CCDC178: variants seen among roughly 807,000 people sequenced by gnomAD.
CCDC178 encodes the protein coiled-coil domain containing 178.
A neutral mutation model predicts 117.4 loss-of-function variants in CCDC178; 126 were observed. The observed-to-expected ratio is 1.07, with a 90% CI of 0.93 to 1.24. The LOEUF is 1.24. Ranked by LOEUF, CCDC178 falls within the 50% of genes most tolerant of loss-of-function variation. The probability of loss-of-function intolerance (pLI) is 0.00; values close to 1 mark genes in which losing one functional copy is unlikely to be tolerated. For synonymous variants in CCDC178, 283 were observed against 313.4 expected (o/e 0.90, Z 1.02); for missense variants, 1,030 against 986.9 (o/e 1.04, Z -0.59).
At chr18:33,295,709 G>A (rs1465082553) in intron 11 of CCDC178, among the ~76,000 whole-genome samples, 4 of 152,066 alleles carry the variant, frequency 2.6e-5, no homozygotes, top group Admixed American at 6.6e-5. Flanking sequence ...TTTGCCATTA[G>A]GGAAATGCAA....
At chr18:33,075,743 T>C (rs271518) in intron 21 of CCDC178, among the ~76,000 whole-genome samples, 21,580 of 151,842 alleles carry the variant, frequency 0.14, 2,365 homozygotes, top group African/African-American at 0.31. Flanking sequence ...CCGAGGCAGG[T>C]GGATCACTTG....
intron 20 of CCDC178, among the ~76,000 whole-genome samples, chr18:33,143,124 G>GA (rs1271327215): frequency 1.3e-5 from 2 of 152,130 alleles, no homozygotes; most frequent in African/African-American, 4.8e-5. Context: ...GAGGGATATA[G>GA]AAAACCCTTT....
chr18:33,385,610 C>T (rs1345697267), intron 5 of CCDC178, among the ~76,000 whole-genome samples: 1 of 152,178 alleles, frequency 6.6e-6, no homozygotes, highest in East Asian at 1.9e-4. Context: ...TCCTGAATGA[C>T]TCCGGAGTAA....
intron 20 of CCDC178, among the ~76,000 whole-genome samples, chr18:33,170,384 A>G (rs2144420238): frequency 6.6e-6 from 1 of 152,142 alleles, no homozygotes; most frequent in East Asian, 1.9e-4. Context: ...AACCAAAAGA[A>G]CTTATTAAAA....
At chr18:33,353,124 C>T (rs1270498792) in intron 7 of CCDC178, among the ~76,000 whole-genome samples, 1 of 151,804 alleles carries the variant, frequency 6.6e-6, no homozygotes, top group African/African-American at 2.4e-5. Context: ...TATATATCTT[C>T]TTGGTGGAAT....
chr18:33,317,929 T>A (rs1160130236), intron 11 of CCDC178, among the ~76,000 whole-genome samples: 1 of 152,080 alleles, frequency 6.6e-6, no homozygotes, highest in Non-Finnish European at 1.5e-5. Context: ...CATTATAATC[T>A]CATTTCCATG....
At chr18:33,211,780 T>C in intron 20 of CCDC178, 116 bp downstream of exon 20, 1 of 761,536 alleles carries the variant, frequency 1.3e-6, no homozygotes, top group South Asian at 1.9e-5. Flanking sequence ...TTAACAAATT[T>C]ATTTTTAAAA....
chr18:33,294,337 C>T (rs2062078277), intron 11 of CCDC178, among the ~76,000 whole-genome samples: 1 of 152,108 alleles, frequency 6.6e-6, no homozygotes, highest in South Asian at 2.1e-4. Context: ...TTTAAAGACA[C>T]CTTAAACAAA....
chr18:32,979,854 T>G (rs1052177859), intron 21 of CCDC178, among the ~76,000 whole-genome samples: 5 of 152,204 alleles, frequency 3.3e-5, no homozygotes, highest in Non-Finnish European at 7.3e-5. Flanking sequence ...AGAGTAATAT[T>G]AGGATCATCC....
At chr18:33,083,137 G>C (rs1327484444) in intron 21 of CCDC178, among the ~76,000 whole-genome samples, 1 of 152,152 alleles carries the variant, frequency 6.6e-6, no homozygotes, top group Admixed American at 6.5e-5. Flanking sequence ...CAGAAAAGCT[G>C]TATCAAGTAG....
At chr18:33,105,757 G>A (rs2057697086) in intron 20 of CCDC178, among the ~76,000 whole-genome samples, 1 of 151,530 alleles carries the variant, frequency 6.6e-6, no homozygotes, top group Non-Finnish European at 1.5e-5. Flanking sequence ...TCTCTGTGTT[G>A]CATTCCAGTT....
chr18:33,253,791 A>T (rs1599058269), intron 14 of CCDC178, among the ~76,000 whole-genome samples: 1 of 152,010 alleles, frequency 6.6e-6, no homozygotes, highest in East Asian at 1.9e-4. Flanking sequence ...GGAGTTAAGT[A>T]GACCTGTATT....
At chr18:33,198,861 C>T (rs1477561377) in intron 20 of CCDC178, among the ~76,000 whole-genome samples, 5 of 152,022 alleles carry the variant, frequency 3.3e-5, no homozygotes, top group Non-Finnish European at 5.9e-5. Context: ...CTGTGGTTAA[C>T]AAAGCATATT....
chr18:33,440,643 C>A lies in CCDC178; in HGVS notation c.-143+10G>T, dbSNP rs950413962. 1 of 152,314 alleles carries A rather than the reference C, an allele frequency of 6.6e-6. No homozygotes were observed. Among genetic ancestry groups the A allele is most frequent in the Non-Finnish European group, 1.5e-5 (1 of 68,098 alleles). The allele number at this position is 152,314 out of a possible 1,614,324, so 9.4% of individuals were successfully genotyped here. A position where few individuals can be genotyped will look rare whatever the true frequency, so the allele number is the denominator to read the frequency against. ...GCGCCCGCGCCGAGGCACAAGCGCC[C>A]CCGACTCACCGGCTCCGCGCGTTTC... On this transcript the variant is annotated intron_variant, in intron 1 of 22. Transcript: ENST00000383096.
At chr18:33,433,746 A>C (rs2064251056) in intron 2 of CCDC178, among the ~76,000 whole-genome samples, 1 of 152,052 alleles carries the variant, frequency 6.6e-6, no homozygotes, top group East Asian at 1.9e-4. Context: ...AAGCGCCTTA[A>C]TAGCTTCCCA....
intron 22 of CCDC178, among the ~76,000 whole-genome samples, chr18:32,959,825 T>C (rs1328956635): frequency 6.6e-6 from 1 of 151,998 alleles, no homozygotes; most frequent in Admixed American, 6.6e-5. Flanking sequence ...ACCATTGACA[T>C]GGCTCTTCCA....
At chr18:33,213,566 T>C (rs271549) in intron 19 of CCDC178, among the ~76,000 whole-genome samples, 24,439 of 151,948 alleles carry the variant, frequency 0.16, 2,744 homozygotes, top group African/African-American at 0.32. Context: ...TGATATATTT[T>C]GACCACATGT....
intron 3 of CCDC178, among the ~76,000 whole-genome samples, chr18:33,401,023 G>C (rs924169029): frequency 1.3e-5 from 2 of 152,132 alleles, no homozygotes; most frequent in Non-Finnish European, 2.9e-5. Flanking sequence ...GAGGCTACAG[G>C]AGAGAGAAAT....
intron 21 of CCDC178, among the ~76,000 whole-genome samples, chr18:33,010,893 A>T (rs2055849430): frequency 6.6e-6 from 1 of 152,228 alleles, no homozygotes; most frequent in South Asian, 2.1e-4. Context: ...ACCTTAAATC[A>T]GAGTGCTGTG....
Sources: allele counts gnomAD v4.1 joint callset (sites outside exome capture counted in the v4.1 genomes callset), GRCh38; gene constraint gnomAD v4.1.1; transcripts MANE v1.5; gene names NCBI Gene and HGNC (gene_info 2026-07-23, HGNC 2026-07-21).